DLGAP4: variants seen among roughly 807,000 people sequenced by gnomAD.
DLGAP4 encodes DLG associated protein 4, also known as disks large-associated protein 4.
In DLGAP4, 18 loss-of-function variants were observed where a neutral mutation model predicts 86.9. The observed-to-expected ratio is 0.21, with a 90% CI of 0.14 to 0.31. The LOEUF (loss-of-function observed/expected upper bound fraction) is 0.31. Ranked by LOEUF, DLGAP4 falls within the 10% of genes least tolerant of loss-of-function variation. DLGAP4 has a pLI of 1.00. For missense variants in DLGAP4, 1,085 were observed against 1,362.6 expected, an observed-to-expected ratio of 0.80 and a Z score of 3.21; for synonymous variants, 548 against 574.3, an observed-to-expected ratio of 0.95 and a Z score of 0.65.
intron 7 of DLGAP4, among the ~76,000 whole-genome samples, chr20:36,489,520 G>A (rs1461189774): frequency 6.6e-6 from 1 of 152,044 alleles, no homozygotes; most frequent in Non-Finnish European, 1.5e-5. Context: ...TTGAGGCCCT[G>A]AATGCCCCCA....
rs1569528032 is a variant in DLGAP4 at position 36,527,039 on chromosome 20, C to T, written c.*8C>T. ...GCCCAGACCAGGCTCTGAGACCATG[C>T]AGGAGGAAAGAAACGATTTTAAATC... is the stretch of plus-strand genomic sequence containing the variant. On this transcript the variant is annotated 3_prime_UTR_variant, in exon 13 of 13. Transcript: ENST00000339266. The T allele has an allele frequency of 1.3e-6, 2 of 1,575,892 alleles. No individual in the cohort carries two copies. The highest frequency in any genetic ancestry group is 1.7e-6 in the Non-Finnish European group (2 of 1,162,304).
At chr20:36,525,805 C>G in intron 11 of DLGAP4, 46 bp from the exon 12 acceptor site, 1 of 1,604,552 alleles carries the variant, frequency 6.2e-7, no homozygotes, top group South Asian at 1.1e-5. Context: ...GGGAGCAGGA[C>G]AAGCCTCTGC....
chr20:36,383,436 G>A (rs1482308734), intron 2 of DLGAP4, among the ~76,000 whole-genome samples: 1 of 152,038 alleles, frequency 6.6e-6, no homozygotes, highest in Admixed American at 6.6e-5. Context: ...AGGTGGCATT[G>A]GGCTTGTCCC....
intron 1 of DLGAP4, among the ~76,000 whole-genome samples, chr20:36,317,849 T>C (rs2147340661): frequency 6.6e-6 from 1 of 151,902 alleles, no homozygotes; most frequent in African/African-American, 2.4e-5. Flanking sequence ...TCCAGCACAG[T>C]CATAAAGAGC....
At chr20:36,381,692 C>T (rs992346174) in intron 2 of DLGAP4, among the ~76,000 whole-genome samples, 13 of 152,134 alleles carry the variant, frequency 8.5e-5, no homozygotes, top group African/African-American at 2.9e-4. Flanking sequence ...CTGGGGTAAG[C>T]CCCTTCCCTT....
intron 1 of DLGAP4, among the ~76,000 whole-genome samples, chr20:36,342,914 A>T (rs2065398566): frequency 6.6e-6 from 1 of 152,104 alleles, no homozygotes; most frequent in African/African-American, 2.4e-5. Flanking sequence ...GTAGGAGGTG[A>T]GCTGGTGGTG....
chr20:36,321,589 G>A (rs1257847858), intron 1 of DLGAP4, among the ~76,000 whole-genome samples: 6 of 152,246 alleles, frequency 3.9e-5, no homozygotes, highest in East Asian at 1.9e-4. Flanking sequence ...CCGCCTCAGC[G>A]CGTTTCATCT....
At chr20:36,399,412 T>A (rs1206891295) in intron 2 of DLGAP4, among the ~76,000 whole-genome samples, 1 of 152,140 alleles carries the variant, frequency 6.6e-6, no homozygotes, top group East Asian at 1.9e-4. Context: ...CCTCACATTC[T>A]GTGTAAGAAA....
intron 1 of DLGAP4, among the ~76,000 whole-genome samples, chr20:36,340,439 C>T (rs4459787): frequency 0.22 from 33,310 of 152,048 alleles, 4,309 homozygotes; most frequent in Middle Eastern, 0.44. Flanking sequence ...TCACCCTCTC[C>T]GTGGCACATG....
At chr20:36,526,134 C>CCAT in intron 12 of DLGAP4, 128 bp downstream of exon 12, 1 of 1,366,552 alleles carries the variant, frequency 7.3e-7, no homozygotes, top group East Asian at 2.3e-5. Context: ...GGTCTCACAT[C>CCAT]CATCACTGCG....
intron 1 of DLGAP4, among the ~76,000 whole-genome samples, chr20:36,356,600 C>T (rs910009067): frequency 3.3e-5 from 5 of 151,752 alleles, no homozygotes; most frequent in African/African-American, 2.4e-5. Flanking sequence ...GGTGAGCCAC[C>T]GCGCCTGGCC....
At chr20:36,404,962 G>A (rs540181775) in intron 2 of DLGAP4, among the ~76,000 whole-genome samples, 1 of 152,162 alleles carries the variant, frequency 6.6e-6, no homozygotes, top group African/African-American at 2.4e-5. Context: ...GTCAGGGAGG[G>A]CCTCTGGAGG....
intron 10 of DLGAP4, among the ~76,000 whole-genome samples, chr20:36,523,254 C>CT: frequency 6.6e-6 from 1 of 152,232 alleles, no homozygotes; most frequent in Non-Finnish European, 1.5e-5. Flanking sequence ...TCCTGCCTCC[C>CT]TAAGTGCTGG....
intron 7 of DLGAP4, among the ~76,000 whole-genome samples, chr20:36,486,925 C>G (rs979394558): frequency 6.6e-6 from 1 of 152,156 alleles, no homozygotes; most frequent in Non-Finnish European, 1.5e-5. Flanking sequence ...AATGGGGAGC[C>G]TTTGAAAAGC....
rs1030492914 is a variant in DLGAP4, at chr20:36,527,088, C to T, written c.*57C>T. The stretch of plus-strand genomic sequence containing the variant: ...TCATTAAAAACACAAAAACTAAGTG[C>T]GAACGGAACAGAGTTTTCTCAACCT... On this transcript the variant is annotated 3_prime_UTR_variant, in exon 13 of 13. Coordinates refer to ENST00000339266, the MANE Select transcript of DLGAP4 (RefSeq NM_001365621.2). 62 of 1,489,262 alleles carry T rather than the reference C, an allele frequency of 4.2e-5. No homozygotes were observed. The highest frequency in any genetic ancestry group is 1.9e-4 in the Middle Eastern group (1 of 5,240). The allele number at this position is 1,489,262 out of a possible 1,614,324, so 92.3% of individuals were successfully genotyped here.
intron 2 of DLGAP4, among the ~76,000 whole-genome samples, chr20:36,401,761 CA>C (rs1301959160): frequency 3.9e-5 from 6 of 152,180 alleles, no homozygotes; most frequent in Non-Finnish European, 8.8e-5. Flanking sequence ...TTACAAAACA[CA>C]CAGGCTGCTG....
intron 2 of DLGAP4, among the ~76,000 whole-genome samples, chr20:36,401,783 A>G (rs2032168936): frequency 6.6e-6 from 1 of 152,200 alleles, no homozygotes; most frequent in South Asian, 2.1e-4. Context: ...TGACAGAGAA[A>G]AAGAGGGAGC....
At chr20:36,364,736 A>G (rs1056240089) in intron 1 of DLGAP4, among the ~76,000 whole-genome samples, 1 of 152,204 alleles carries the variant, frequency 6.6e-6, no homozygotes, top group Admixed American at 6.5e-5. Context: ...GAAGCTGCAG[A>G]ATCTTCAACA....
At chr20:36,379,706 G>A (rs2031301074) in intron 2 of DLGAP4, among the ~76,000 whole-genome samples, 1 of 152,148 alleles carries the variant, frequency 6.6e-6, no homozygotes, top group Admixed American at 6.5e-5. Context: ...ACAGGCTTCG[G>A]CATTCGGCCC....
Sources: gnomAD v4.1 joint callset for allele counts (sites outside exome capture counted in the v4.1 genomes callset) on GRCh38, gnomAD v4.1.1 for gene constraint, MANE v1.5 for transcripts, NCBI Gene and HGNC (gene_info 2026-07-23, HGNC 2026-07-21) for gene names.